GPATCH2: variants seen among roughly 807,000 people sequenced by gnomAD.
The protein encoded by GPATCH2 is G patch domain-containing protein 2.
A neutral mutation model predicts 58.0 loss-of-function variants in GPATCH2; 51 were observed. The observed-to-expected ratio is 0.88, with a 90% CI of 0.70 to 1.11. The LOEUF (loss-of-function observed/expected upper bound fraction) is 1.11. Ranked by LOEUF, GPATCH2 falls within the 50% of genes most tolerant of loss-of-function variation. The pLI is 0.00. For synonymous variants in GPATCH2, 222 were observed against 218.5 expected, an observed-to-expected ratio of 1.02 and a Z score of -0.14; for missense variants, 625 against 652.2, an observed-to-expected ratio of 0.96 and a Z score of 0.45.
intron 1 of GPATCH2, among the ~76,000 whole-genome samples, chr1:217,622,599 A>G (rs1161132963): frequency 2.0e-5 from 3 of 152,226 alleles, no homozygotes; most frequent in Admixed American, 6.5e-5. Context: ...GCTGAAGTGC[A>G]GTGGCATGAT....
intron 8 of GPATCH2, among the ~76,000 whole-genome samples, chr1:217,458,626 C>T (rs1202550392): frequency 6.6e-6 from 1 of 151,984 alleles, no homozygotes; most frequent in Non-Finnish European, 1.5e-5. Flanking sequence ...TCATCGAGAC[C>T]ATATATATGT....
At chr1:217,565,740 A>G (rs1470232010) in intron 5 of GPATCH2, among the ~76,000 whole-genome samples, 1 of 141,810 alleles carries the variant, frequency 7.1e-6, no homozygotes, top group East Asian at 2.4e-4. Flanking sequence ...AACTTAACGT[A>G]TAAATAAAAC....
At chr1:217,590,388 C>T (rs554910839) in intron 5 of GPATCH2, among the ~76,000 whole-genome samples, 1 of 152,124 alleles carries the variant, frequency 6.6e-6, no homozygotes, top group South Asian at 2.1e-4. Flanking sequence ...GCAACCATCT[C>T]ATTTCCCACA....
intron 5 of GPATCH2, among the ~76,000 whole-genome samples, chr1:217,549,487 G>C (rs1558476377): frequency 6.6e-6 from 1 of 152,114 alleles, no homozygotes; most frequent in African/African-American, 2.4e-5. Flanking sequence ...CATGAGAAAA[G>C]TTTATTTGAT....
chr1:217,620,546 C>T (rs533188894), intron 1 of GPATCH2, 47 bp from the exon 2 acceptor site: 2 of 1,047,022 alleles, frequency 1.9e-6, no homozygotes, highest in South Asian at 3.1e-5. Context: ...GTCTTAACCA[C>T]AGTAACCTCA....
At chr1:217,444,258 C>G (rs1659277053) in intron 9 of GPATCH2, among the ~76,000 whole-genome samples, 1 of 152,156 alleles carries the variant, frequency 6.6e-6, no homozygotes, top group African/African-American at 2.4e-5. Context: ...GAGGTTCTGA[C>G]TTGATAAGGA....
At chr1:217,629,722 T>A (rs915801447) in intron 1 of GPATCH2, among the ~76,000 whole-genome samples, 11 of 152,346 alleles carry the variant, frequency 7.2e-5, no homozygotes, top group Admixed American at 6.5e-4. Context: ...GTGCATTTCA[T>A]TCTATGCTAG....
At chr1:217,467,556 A>G (rs931057477) in intron 8 of GPATCH2, among the ~76,000 whole-genome samples, 23 of 152,174 alleles carry the variant, frequency 1.5e-4, no homozygotes, top group African/African-American at 5.3e-4. Flanking sequence ...GGTGGGGTAA[A>G]TAAAATGAGT....
chr1:217,524,346 G>A (rs1312060587), intron 5 of GPATCH2, among the ~76,000 whole-genome samples: 4 of 150,412 alleles, frequency 2.7e-5, no homozygotes, highest in Middle Eastern at 3.2e-3. Context: ...ATGGGATGGC[G>A]GCTGGGCAGA....
chr1:217,535,493 G>A (rs920639369), intron 5 of GPATCH2, among the ~76,000 whole-genome samples: 7 of 152,138 alleles, frequency 4.6e-5, no homozygotes, highest in African/African-American at 1.7e-4. Flanking sequence ...GGGACTACAG[G>A]TGCCCGCCAC....
At chr1:217,528,542 C>A (rs1664034136) in intron 5 of GPATCH2, among the ~76,000 whole-genome samples, 1 of 152,118 alleles carries the variant, frequency 6.6e-6, no homozygotes, top group Non-Finnish European at 1.5e-5. Context: ...AGGAGTAAGT[C>A]AGAAACCAAC....
chr1:217,535,576 C>T (rs1011050747), intron 5 of GPATCH2, among the ~76,000 whole-genome samples: 2 of 152,182 alleles, frequency 1.3e-5, no homozygotes, highest in African/African-American at 4.8e-5. Context: ...TGGTCTCGAT[C>T]TCCTGACCTC....
intron 5 of GPATCH2, among the ~76,000 whole-genome samples, chr1:217,596,116 T>A (rs1667816136): frequency 6.6e-6 from 1 of 152,186 alleles, no homozygotes; most frequent in South Asian, 2.1e-4. Flanking sequence ...GAAGGAAGGA[T>A]GAAGAGTATC....
intron 5 of GPATCH2, among the ~76,000 whole-genome samples, chr1:217,571,703 C>CAAAAAAAAA (rs11463536): frequency 1.8e-3 from 130 of 73,766 alleles, no homozygotes; most frequent in East Asian, 7.7e-3. Context: ...AAAACGAAAC[C>CAAAAAAAAA]AAAAAAAAAA....
rs1218660353 is a variant in GPATCH2, at chr1:217,523,912, ACCTCCCTCCCGG to A, written c.1099-9035_1099-9024del. On this transcript the variant is annotated intron_variant, in intron 5 of 9. Coordinates refer to ENST00000366935, the MANE Select transcript of GPATCH2 (RefSeq NM_018040.5). ...GGCCGGGCGGGGGGCTGACCCCCAC[ACCTCCCTCCCGG>A]ACGGGGCAGTTGGCCGGGCGGGGGG... Among the ~76,000 whole-genome samples, 11 of 97,834 alleles carry A rather than the reference ACCTCCCTCCCGG, an allele frequency of 1.1e-4. No homozygotes were observed. The East Asian group carries it at 3.1e-3, about 28-fold the overall frequency. The allele number at this position is 97,834 out of a possible 152,430, so 64.2% of individuals were successfully genotyped here.
At chr1:217,470,003 G>A (rs1660647115) in intron 8 of GPATCH2, among the ~76,000 whole-genome samples, 1 of 152,132 alleles carries the variant, frequency 6.6e-6, no homozygotes, top group Admixed American at 6.6e-5. Flanking sequence ...ATCCCCAAAT[G>A]TACCCATAAT....
chr1:217,474,953 AG>A (rs1480249301), intron 8 of GPATCH2, among the ~76,000 whole-genome samples: 1 of 152,228 alleles, frequency 6.6e-6, no homozygotes, highest in Non-Finnish European at 1.5e-5. Flanking sequence ...TAAATAAAAA[AG>A]GTGAATAATT....
At chr1:217,610,290 C>T (rs762626076) in intron 5 of GPATCH2, 31 bp downstream of exon 5, 2 of 1,498,042 alleles carry the variant, frequency 1.3e-6, no homozygotes, top group Non-Finnish European at 1.9e-6. Context: ...CATTTCCAAA[C>T]ATGACAATTA....
At chr1:217,591,675 G>A (rs555399580) in intron 5 of GPATCH2, among the ~76,000 whole-genome samples, 1 of 152,066 alleles carries the variant, frequency 6.6e-6, no homozygotes, top group Non-Finnish European at 1.5e-5. Flanking sequence ...ACTATTGACA[G>A]TAATAGAGAA....
Sources: allele counts gnomAD v4.1 joint callset (sites outside exome capture counted in the v4.1 genomes callset), GRCh38; gene constraint gnomAD v4.1.1; transcripts MANE v1.5; gene names NCBI Gene and HGNC (gene_info 2026-07-23, HGNC 2026-07-21).